The following ROBO2 variants were observed in gnomAD, a reference collection of about 807,000 sequenced individuals.
ROBO2 encodes roundabout homolog 2.
ROBO2 carries 53 observed loss-of-function variants against 160.8 expected under a neutral mutation model. The observed-to-expected ratio is 0.33, with a 90% CI of 0.26 to 0.41. The LOEUF is 0.41. ROBO2 is among the 10% of genes least tolerant of loss of function. The pLI, the probability that ROBO2 is intolerant of heterozygous loss-of-function variation, is 1.00. For missense variants in ROBO2, 1,577 were observed against 1,722.4 expected, an observed-to-expected ratio of 0.92 and a Z score of 1.49; for synonymous variants, 664 against 611.7, an observed-to-expected ratio of 1.09 and a Z score of -1.26.
At chr3:76,975,810 T>C (rs1303538957) in intron 2 of ROBO2, among the ~76,000 whole-genome samples, 2 of 151,080 alleles carry the variant, frequency 1.3e-5, no homozygotes, top group African/African-American at 4.9e-5. Flanking sequence ...TGCTTAGCAT[T>C]AAAAAAAAAC....
intron 1 of ROBO2, among the ~76,000 whole-genome samples, chr3:75,933,193 G>GAA (rs1464804345): frequency 6.6e-6 from 1 of 152,064 alleles, no homozygotes; most frequent in East Asian, 1.9e-4. Flanking sequence ...ATTTTCCATT[G>GAA]AAAAAAATCA....
chr3:76,735,557 T>G (rs2093694699), intron 2 of ROBO2, among the ~76,000 whole-genome samples: 1 of 151,484 alleles, frequency 6.6e-6, no homozygotes, highest in African/African-American at 2.4e-5. Context: ...AATCCAGGGG[T>G]TCCTGACCAG....
intron 2 of ROBO2, among the ~76,000 whole-genome samples, chr3:76,312,340 T>C (rs961739082): frequency 6.6e-6 from 1 of 152,220 alleles, no homozygotes; most frequent in Non-Finnish European, 1.5e-5. Flanking sequence ...AAGAGAAGCA[T>C]GTATATTATG....
intron 2 of ROBO2, among the ~76,000 whole-genome samples, chr3:77,003,619 G>C (rs1041190807): frequency 6.6e-6 from 1 of 152,106 alleles, no homozygotes; most frequent in African/African-American, 2.4e-5. Flanking sequence ...GGAGGGCAAT[G>C]GTGCGATATC....
chr3:76,780,577 T>G (rs576427754), intron 2 of ROBO2, among the ~76,000 whole-genome samples: 1 of 150,970 alleles, frequency 6.6e-6, no homozygotes, highest in African/African-American at 2.4e-5. Context: ...TGTTATATTT[T>G]GTCTTTCATC....
At chr3:76,420,622 T>A (rs1255762626) in intron 2 of ROBO2, among the ~76,000 whole-genome samples, 2 of 152,210 alleles carry the variant, frequency 1.3e-5, no homozygotes, top group Non-Finnish European at 2.9e-5. Flanking sequence ...AGATCCCTTT[T>A]TGTTGCTATC....
At chr3:76,430,326 C>A (rs1024930639) in intron 2 of ROBO2, among the ~76,000 whole-genome samples, 1 of 152,072 alleles carries the variant, frequency 6.6e-6, no homozygotes, top group African/African-American at 2.4e-5. Flanking sequence ...ATAATTTGGT[C>A]CTTTCAGTCA....
chr3:76,925,190 G>A (rs1016903601), intron 2 of ROBO2, among the ~76,000 whole-genome samples: 4,222 of 136,878 alleles, frequency 0.031, 176 homozygotes, highest in African/African-American at 0.11. Flanking sequence ...CAGCCTGGGC[G>A]ACAGAGCGAG....
intron 2 of ROBO2, among the ~76,000 whole-genome samples, chr3:76,382,456 C>T (rs1432407678): frequency 1.3e-5 from 2 of 152,028 alleles, no homozygotes; most frequent in Admixed American, 6.5e-5. Flanking sequence ...GGCGCGGTGG[C>T]GGCGCCTGTA....
At chr3:77,194,120 A>G (rs2082115498) in intron 2 of ROBO2, among the ~76,000 whole-genome samples, 1 of 152,214 alleles carries the variant, frequency 6.6e-6, no homozygotes, top group South Asian at 2.1e-4. Flanking sequence ...TGTTTTTATT[A>G]TTTCACATCC....
chr3:76,493,340 TA>T (rs2079945392), intron 2 of ROBO2, among the ~76,000 whole-genome samples: 2 of 39,452 alleles, frequency 5.1e-5, no homozygotes, highest in African/African-American at 9.5e-5. Flanking sequence ...CAAAAAATTA[TA>T]TATATATATA....
At chr3:77,481,808 G>A (rs1323084313) in intron 4 of ROBO2, among the ~76,000 whole-genome samples, 2 of 152,060 alleles carry the variant, frequency 1.3e-5, no homozygotes, top group African/African-American at 4.8e-5. Flanking sequence ...CAATTAATAG[G>A]TTAAAAACTG....
chr3:76,250,787 C>G (rs570606321), intron 2 of ROBO2, among the ~76,000 whole-genome samples: 1 of 152,024 alleles, frequency 6.6e-6, no homozygotes, highest in Non-Finnish European at 1.5e-5. Flanking sequence ...TACCCATTTT[C>G]TCTAATAAAT....
intron 2 of ROBO2, among the ~76,000 whole-genome samples, chr3:77,240,679 C>T (rs1248044478): frequency 6.6e-6 from 1 of 152,198 alleles, no homozygotes; most frequent in Non-Finnish European, 1.5e-5. Context: ...TAGCTGAATC[C>T]AGTGATGTGG....
At chr3:77,539,786 T>C (rs191834352) in intron 6 of ROBO2, among the ~76,000 whole-genome samples, 37 of 151,934 alleles carry the variant, frequency 2.4e-4, no homozygotes, top group African/African-American at 8.2e-4. Flanking sequence ...TGGGGAAAAA[T>C]AGAGAAGGCA....
At chr3:76,061,239 A>C (rs1220227792) in intron 2 of ROBO2, among the ~76,000 whole-genome samples, 1 of 152,314 alleles carries the variant, frequency 6.6e-6, no homozygotes, top group East Asian at 1.9e-4. Context: ...TTGCTGAATA[A>C]ATTCGGGTAA....
At chr3:76,473,621 G>C (rs1182036282) in intron 2 of ROBO2, among the ~76,000 whole-genome samples, 1 of 152,080 alleles carries the variant, frequency 6.6e-6, no homozygotes, top group Admixed American at 6.6e-5. Flanking sequence ...CTGGTGAGGC[G>C]ATCATATAAG....
chr3:76,111,971 C>A (rs922553489), intron 2 of ROBO2, among the ~76,000 whole-genome samples: 1 of 152,104 alleles, frequency 6.6e-6, no homozygotes, highest in Admixed American at 6.6e-5. Flanking sequence ...ACAATGACCC[C>A]ATCTACATCC....
At chr3:77,043,029 C>T (rs984452767) in intron 1 of ROBO2, among the ~76,000 whole-genome samples, 3 of 152,168 alleles carry the variant, frequency 2.0e-5, no homozygotes, top group East Asian at 1.9e-4. Context: ...GTAAATCATA[C>T]GTTTGACATT....
Sources: gnomAD v4.1 joint callset for allele counts (sites outside exome capture counted in the v4.1 genomes callset) on GRCh38, gnomAD v4.1.1 for gene constraint, MANE v1.5 for transcripts, NCBI Gene and HGNC (gene_info 2026-07-23, HGNC 2026-07-21) for gene names.